ERBB4: variants seen among roughly 807,000 people sequenced by gnomAD.
The protein encoded by ERBB4 is receptor tyrosine-protein kinase erbB-4.
In ERBB4, 42 loss-of-function variants were observed where a neutral mutation model predicts 158.0. The ratio of observed to expected loss-of-function variants is 0.27; its 90% CI spans 0.21 to 0.34. The LOEUF is 0.34. ERBB4 is among the 10% of genes least tolerant of loss of function. The probability of loss-of-function intolerance (pLI) is 1.00; values close to 1 mark genes in which losing one functional copy is unlikely to be tolerated. For synonymous variants in ERBB4, 583 were observed against 558.7 expected (o/e 1.04, Z -0.61); for missense variants, 1,333 against 1,624.1 (o/e 0.82, Z 3.08).
chr2:211,881,046 G>A (rs1468678421), intron 3 of ERBB4, among the ~76,000 whole-genome samples: 2 of 152,154 alleles, frequency 1.3e-5, no homozygotes, highest in South Asian at 2.1e-4. Flanking sequence ...CAGATCAGCT[G>A]CACACAAGAC....
intron 6 of ERBB4, among the ~76,000 whole-genome samples, chr2:211,724,235 G>A (rs1224919544): frequency 1.3e-5 from 2 of 151,652 alleles, no homozygotes; most frequent in East Asian, 3.9e-4. Flanking sequence ...TTTCACTATA[G>A]AATGAGTATA....
At chr2:211,839,358 G>A (rs1255664030) in intron 3 of ERBB4, among the ~76,000 whole-genome samples, 4 of 106,668 alleles carry the variant, frequency 3.7e-5, no homozygotes, top group Non-Finnish European at 9.2e-5. Flanking sequence ...AGATATACAA[G>A]ATATAATAAA....
chr2:211,538,319 C>G (rs537421077), intron 20 of ERBB4, among the ~76,000 whole-genome samples: 1 of 151,714 alleles, frequency 6.6e-6, no homozygotes, highest in Non-Finnish European at 1.5e-5. Context: ...ATGTTATACA[C>G]GAATTTAATA....
intron 20 of ERBB4, among the ~76,000 whole-genome samples, chr2:211,514,591 A>G (rs183045760): frequency 6.6e-6 from 1 of 152,246 alleles, no homozygotes; most frequent in African/African-American, 2.4e-5. Flanking sequence ...TTTATTACAC[A>G]TCTCATATGT....
At chr2:211,685,643 T>C (rs187307934) in intron 12 of ERBB4, among the ~76,000 whole-genome samples, 66 of 152,320 alleles carry the variant, frequency 4.3e-4, no homozygotes, top group Admixed American at 7.2e-4. Context: ...AATAATCTTG[T>C]CTCTATCTCA....
In ERBB4 at chr2:211,836,332, G is replaced by C. The variant is rs1224863077; in HGVS notation, c.422-48173C>G. On this transcript the variant is annotated intron_variant, in intron 3 of 27. Transcript: ENST00000342788. ...CAGATCATAAGGTAAAAAGTCACAG[G>C]CAGAGTCTGCAAGAATCCATATGCA... 6.6e-4 allele frequency among the ~76,000 whole-genome samples: 100 copies of C among 152,118 alleles called. 1 individual carries two copies. The highest frequency in any genetic ancestry group is 1.8e-4 in the Non-Finnish European group (12 of 68,002).
intron 19 of ERBB4, among the ~76,000 whole-genome samples, chr2:211,569,218 T>C (rs1279090326): frequency 6.6e-6 from 1 of 152,242 alleles, no homozygotes; most frequent in African/African-American, 2.4e-5. Flanking sequence ...GCCACTTCAT[T>C]GAAGACCTTT....
intron 1 of ERBB4, among the ~76,000 whole-genome samples, chr2:212,215,421 T>A (rs183363673): frequency 6.6e-6 from 1 of 151,462 alleles, no homozygotes; most frequent in Non-Finnish European, 1.5e-5. Flanking sequence ...TTTTTCATCA[T>A]AAAAATTCTT....
rs2062575545 is a variant in ERBB4 at position 211,381,647 on chromosome 2, A to C, written c.*1968T>G. ...ACAAAACATGGTGCTTTTAGTAGAC[A>C]CAGTTAGATAAAGGAGGTTTGGATG... On this transcript the variant is annotated 3_prime_UTR_variant, in exon 28 of 28. Coordinates refer to ENST00000342788, the MANE Select transcript of ERBB4 (RefSeq NM_005235.3). 4.3e-6 allele frequency: 1 copy of C among 231,596 alleles called. No homozygotes were observed. The highest frequency in any genetic ancestry group is 8.5e-6 in the Non-Finnish European group (1 of 117,124). The allele number at this position is 231,596 out of a possible 1,614,324, so 14.3% of individuals were successfully genotyped here.
chr2:212,398,145 T>TAC (rs2091086580), intron 1 of ERBB4, among the ~76,000 whole-genome samples: 3 of 151,578 alleles, frequency 2.0e-5, no homozygotes, highest in Non-Finnish European at 4.4e-5. Context: ...CATATATATA[T>TAC]ACACACATAT....
chr2:211,780,407 T>C (rs2076005980), intron 4 of ERBB4, among the ~76,000 whole-genome samples: 1 of 152,148 alleles, frequency 6.6e-6, no homozygotes, highest in South Asian at 2.1e-4. Context: ...AAGATGTATA[T>C]TGAAAACTGT....
chr2:211,385,459 C>T (rs113588189), intron 27 of ERBB4, among the ~76,000 whole-genome samples: 2,739 of 152,190 alleles, frequency 0.018, 41 homozygotes, highest in Non-Finnish European at 0.025. Context: ...ATTATTGCCC[C>T]TGCAGGAGTT....
chr2:211,443,208 A>C lies in ERBB4; in HGVS notation c.2488-12108T>G, dbSNP rs2064029496. 2.0e-5 allele frequency among the ~76,000 whole-genome samples: 3 copies of C among 152,224 alleles called. No individual in the cohort carries two copies. In the South Asian group the frequency reaches 6.2e-4, roughly 32 times the overall value. On this transcript the variant is annotated intron_variant, in intron 20 of 27. Coordinates refer to ENST00000342788, the MANE Select transcript of ERBB4 (RefSeq NM_005235.3). ...ATACTTGCAAACATAACCTCATAACAATTAAAAATAAAGGAAGAGGAAAAG... is the reference window on the plus strand; with the variant it reads ...ATACTTGCAAACATAACCTCATAACCATTAAAAATAAAGGAAGAGGAAAAG...
intron 1 of ERBB4, among the ~76,000 whole-genome samples, chr2:212,463,798 T>C (rs1688694744): frequency 6.6e-6 from 1 of 152,114 alleles, no homozygotes; most frequent in African/African-American, 2.4e-5. Flanking sequence ...ATTGGCCCTG[T>C]TTCATATTGC....
At chr2:212,141,834 C>T (rs6749273) in intron 1 of ERBB4, among the ~76,000 whole-genome samples, 16,753 of 151,948 alleles carry the variant, frequency 0.11, 1,399 homozygotes, top group African/African-American at 0.24. Context: ...TCTTGTCTTC[C>T]TCAAGTATAT....
At chr2:212,308,025 C>A (rs1374908616) in intron 1 of ERBB4, among the ~76,000 whole-genome samples, 2 of 150,934 alleles carry the variant, frequency 1.3e-5, no homozygotes, top group East Asian at 3.9e-4. Flanking sequence ...GTTGTATTTT[C>A]TATCTCTACC....
At chr2:211,812,928 G>A (rs1438318978) in intron 3 of ERBB4, among the ~76,000 whole-genome samples, 2 of 152,206 alleles carry the variant, frequency 1.3e-5, no homozygotes, top group Admixed American at 6.5e-5. Flanking sequence ...GGAGTGTCCC[G>A]TTTTTCCAGG....
intron 22 of ERBB4, among the ~76,000 whole-genome samples, chr2:211,428,155 T>C (rs1004567534): frequency 4.6e-5 from 7 of 151,792 alleles, no homozygotes; most frequent in African/African-American, 1.7e-4. Context: ...CAAACCACCA[T>C]GCCACATGTA....
intron 1 of ERBB4, among the ~76,000 whole-genome samples, chr2:212,503,579 T>C (rs770874794): frequency 2.6e-5 from 4 of 152,232 alleles, no homozygotes; most frequent in Non-Finnish European, 5.9e-5. Flanking sequence ...GTTTACTTGA[T>C]GCATATAATA....
Sources: gnomAD v4.1 joint callset for allele counts (sites outside exome capture counted in the v4.1 genomes callset) on GRCh38, gnomAD v4.1.1 for gene constraint, MANE v1.5 for transcripts, NCBI Gene and HGNC (gene_info 2026-07-23, HGNC 2026-07-21) for gene names.